Variants in CERKL observed in about 807,000 individuals in gnomAD.
The protein encoded by CERKL is CERK like autophagy regulator.
In CERKL, 61 loss-of-function variants were observed where a neutral mutation model predicts 63.4. The observed-to-expected ratio is 0.96, with a 90% CI of 0.78 to 1.19. The LOEUF is 1.19. CERKL is among the 50% of genes most tolerant of loss of function. The probability of loss-of-function intolerance (pLI) is 0.00; values close to 1 mark genes in which losing one functional copy is unlikely to be tolerated. For missense variants in CERKL, 675 were observed against 655.5 expected (o/e 1.03, Z -0.33); for synonymous variants, 250 against 230.5 (o/e 1.08, Z -0.77).
intron 2 of CERKL, among the ~76,000 whole-genome samples, chr2:181,581,806 G>A (rs1258168373): frequency 6.6e-6 from 1 of 152,178 alleles, no homozygotes. Context: ...CTTGGCAATA[G>A]TGGCAATTCA....
chr2:181,645,061 T>TG (rs995508142), intron 1 of CERKL, among the ~76,000 whole-genome samples: 2 of 152,200 alleles, frequency 1.3e-5, no homozygotes, highest in African/African-American at 4.8e-5. Flanking sequence ...GTCACATTCC[T>TG]GCTAGGCAAA....
intron 1 of CERKL, among the ~76,000 whole-genome samples, chr2:181,609,533 T>TAAAAAAAAAAAAAAAAAAAAAAAAA (rs869037405): frequency 2.8e-4 from 20 of 70,224 alleles, no homozygotes; most frequent in African/African-American, 5.2e-4. Flanking sequence ...CTGTCTCTAC[T>TAAAAAAAAAAAAAAAAAAAAAAAAA]AAAAAAAAAA....
chr2:181,631,599 C>G (rs1244353420), intron 1 of CERKL, among the ~76,000 whole-genome samples: 1 of 152,086 alleles, frequency 6.6e-6, no homozygotes, highest in African/African-American at 2.4e-5. Context: ...TGACCTCTGT[C>G]CTAGGAGCTC....
rs1160282139 is a variant in CERKL, at chr2:181,630,886, C to T, written c.238+25883G>A. Among the ~76,000 whole-genome samples the T allele has an allele frequency of 2.6e-5, 4 of 152,308 alleles. No individual in the cohort carries two copies. In the East Asian group the frequency reaches 7.7e-4, roughly 29 times the overall value. On this transcript the variant is annotated intron_variant, in intron 1 of 12. Transcript: ENST00000410087. ...TATTGCCATATCAAGGAAAACATGG[C>T]AAGCAGAGAAACTGATTGTATCTTT...
At chr2:181,624,784 A>G (rs1574510616) in intron 1 of CERKL, among the ~76,000 whole-genome samples, 1 of 152,212 alleles carries the variant, frequency 6.6e-6, no homozygotes, top group East Asian at 1.9e-4. Context: ...TTTGGTTTGG[A>G]CAATCAGAAT....
intron 12 of CERKL, 114 bp from the exon 13 acceptor site, chr2:181,538,358 C>A: frequency 1.5e-6 from 1 of 648,458 alleles, no homozygotes; most frequent in Non-Finnish European, 2.8e-6. Context: ...ACACAGCATT[C>A]CCAACAGAGC....
chr2:181,562,164 G>C (rs114869691), intron 4 of CERKL, among the ~76,000 whole-genome samples: 78 of 152,182 alleles, frequency 5.1e-4, no homozygotes, highest in African/African-American at 1.9e-3. Context: ...ATTTCTTTCT[G>C]CTGACTTCTA....
chr2:181,610,292 A>C (rs546439630), intron 1 of CERKL, among the ~76,000 whole-genome samples: 37 of 152,360 alleles, frequency 2.4e-4, no homozygotes, highest in Non-Finnish European at 4.4e-4. Flanking sequence ...TTAAAACAAC[A>C]AGATACCACT....
At chr2:181,590,553 T>C (rs941834714) in intron 2 of CERKL, among the ~76,000 whole-genome samples, 5 of 152,084 alleles carry the variant, frequency 3.3e-5, no homozygotes, top group Middle Eastern at 3.2e-3. Flanking sequence ...CTAATATTCC[T>C]GAAATATAAA....
At chr2:181,584,472 A>G (rs1023985210) in intron 2 of CERKL, among the ~76,000 whole-genome samples, 1 of 151,998 alleles carries the variant, frequency 6.6e-6, no homozygotes. Context: ...TGGTCACACC[A>G]TTGCACTCCA....
chr2:181,549,524 A>G, intron 6 of CERKL, 110 bp downstream of exon 6: 2 of 863,730 alleles, frequency 2.3e-6, no homozygotes, highest in Non-Finnish European at 3.9e-6. Context: ...TCTCTACTCT[A>G]AGAGACAAAG....
rs777113677 is a variant in CERKL, at chr2:181,558,556, A to G, written c.820+10T>C. ...GGGTCAGTTTAATGAATCTGTAGCC[A>G]CTCCCTTGCCTGCTGGTATTAAGCC... On this transcript the variant is annotated intron_variant, in intron 5 of 12. Transcript: ENST00000410087. The surrounding 1 kb of genome is among the most constrained non-coding windows in gnomAD (Gnocchi z 4.2). 2.7e-5 allele frequency: 44 copies of G among 1,612,724 alleles called. 1 individual carries two copies. The South Asian group carries it at 2.9e-4, about 10-fold the overall frequency.
Position 181,624,502 on chromosome 2 carries a change from C to T in CERKL, c.239-20423G>A, listed in dbSNP as rs1211659485. ...GCGAGCTATGATCACCAGTGCATTC[C>T]AGCCAAGGCGAAAGTAAGACCCAAT... On this transcript the variant is annotated intron_variant, in intron 1 of 12. Coordinates refer to ENST00000410087, the MANE Select transcript of CERKL (RefSeq NM_201548.5). Among the ~76,000 whole-genome samples, 3 of 152,250 alleles carry T rather than the reference C, an allele frequency of 2.0e-5. No individual in the cohort carries two copies. The East Asian group carries it at 5.8e-4, about 29-fold the overall frequency.
intron 1 of CERKL, 54 bp from the exon 2 acceptor site, chr2:181,604,133 C>T: frequency 7.0e-7 from 1 of 1,434,144 alleles, no homozygotes; most frequent in Non-Finnish European, 9.7e-7. Flanking sequence ...TAGAGAGGAA[C>T]AACAGACACT....
At chr2:181,549,333 G>C (rs556384456) in intron 6 of CERKL, among the ~76,000 whole-genome samples, 1 of 152,176 alleles carries the variant, frequency 6.6e-6, no homozygotes, top group East Asian at 1.9e-4. Context: ...ATATACTTAA[G>C]GAGTATTCAT....
At chr2:181,587,042 T>C (rs976384645) in intron 2 of CERKL, among the ~76,000 whole-genome samples, 2 of 152,210 alleles carry the variant, frequency 1.3e-5, no homozygotes, top group African/African-American at 4.8e-5. Flanking sequence ...GCCCAGTTAA[T>C]GTGTAACAGT....
chr2:181,650,248 C>T (rs1237956704), intron 1 of CERKL, among the ~76,000 whole-genome samples: 5 of 152,096 alleles, frequency 3.3e-5, no homozygotes, highest in Non-Finnish European at 5.9e-5. Context: ...AGACAAAATG[C>T]TCCTAAACAA....
At chr2:181,596,306 T>C (rs1050422403) in intron 2 of CERKL, among the ~76,000 whole-genome samples, 1 of 152,192 alleles carries the variant, frequency 6.6e-6, no homozygotes, top group African/African-American at 2.4e-5. Context: ...TTTAGTATAA[T>C]TATGACCAAT....
chr2:181,553,522 A>T (rs1396603484), intron 5 of CERKL, among the ~76,000 whole-genome samples: 2 of 152,220 alleles, frequency 1.3e-5, no homozygotes, highest in East Asian at 3.8e-4. Context: ...ACATATCATG[A>T]CTTAAGAAAA....
Sources: allele counts gnomAD v4.1 joint callset (sites outside exome capture counted in the v4.1 genomes callset), GRCh38; gene constraint gnomAD v4.1.1; non-coding constraint Gnocchi (gnomAD v3.1); transcripts MANE v1.5; gene names NCBI Gene and HGNC (gene_info 2026-07-23, HGNC 2026-07-21).